Variants in ANKRD27 observed in about 807,000 individuals in gnomAD.
ANKRD27 encodes the protein ankyrin repeat domain-containing protein 27.
Under a neutral mutation model 129.7 loss-of-function variants are expected in ANKRD27, and 112 were observed. The observed-to-expected ratio is 0.86, with a 90% CI of 0.74 to 1.01. The LOEUF (loss-of-function observed/expected upper bound fraction) is 1.01. ANKRD27 is among the 50% of genes least tolerant of loss of function. The probability of loss-of-function intolerance (pLI) is 0.00; values close to 1 mark genes in which losing one functional copy is unlikely to be tolerated. For synonymous variants in ANKRD27, 516 were observed against 511.2 expected (o/e 1.01, Z -0.13); for missense variants, 1,258 against 1,300.5 (o/e 0.97, Z 0.50).
chr19:32,613,627 C>G (rs1971865525), intron 22 of ANKRD27, among the ~76,000 whole-genome samples: 1 of 151,738 alleles, frequency 6.6e-6, no homozygotes, highest in Non-Finnish European at 1.5e-5. Context: ...AGACCTGATT[C>G]TAGGCAACAG....
intron 1 of ANKRD27, among the ~76,000 whole-genome samples, chr19:32,661,243 A>C (rs923678337): frequency 2.3e-4 from 35 of 149,708 alleles, no homozygotes; most frequent in African/African-American, 8.3e-4. Flanking sequence ...ACACACACAC[A>C]CACACACATA....
In ANKRD27 at chr19:32,599,703, C is replaced by T. The variant is rs781062904; in HGVS notation, c.2919+1G>A. On this transcript the variant is annotated splice_donor_variant, in intron 28 of 28. Coordinates refer to ENST00000306065, the MANE Select transcript of ANKRD27 (RefSeq NM_032139.3). LOFTEE classifies it high-confidence loss of function. ...TTAAAAGCCAGTGTTTAATAACTTACCTCATGCAAAGAACCTTCGGTTAAA... is the reference window on the plus strand; with the variant it reads ...TTAAAAGCCAGTGTTTAATAACTTATCTCATGCAAAGAACCTTCGGTTAAA... 4.3e-6 allele frequency: 7 copies of T among 1,611,942 alleles called. No homozygotes were observed. The highest frequency in any genetic ancestry group is 1.7e-5 in the Admixed American group (1 of 59,390).
At chr19:32,646,381 T>C in intron 4 of ANKRD27, 78 bp downstream of exon 4, 1 of 1,480,506 alleles carries the variant, frequency 6.8e-7, no homozygotes, top group Non-Finnish European at 9.2e-7. Flanking sequence ...GTTTAACCTT[T>C]CAACAGCTAA....
In ANKRD27 at chr19:32,619,335, T is replaced by C. The variant is rs1320021303; in HGVS notation, c.1932A>G (p.Gln644=). ...AGGAGAAGCTGGAAGTGGAGGACTC[T>C]TGGCTGATGGAGTCCACGGAGCGCT... ...SPQRSVDSIS[Q]ESSTSSFSSM... The change falls in exon 20 of 29, where the codon CAA becomes CAG. Residue 644 remains glutamine (Q), a synonymous_variant. Coordinates refer to ENST00000306065, the MANE Select transcript of ANKRD27 (RefSeq NM_032139.3). 8.1e-6 allele frequency: 13 copies of C among 1,613,598 alleles called. No individual in the cohort carries two copies. The highest frequency in any genetic ancestry group is 1.1e-5 in the Non-Finnish European group (13 of 1,179,918).
intron 24 of ANKRD27, among the ~76,000 whole-genome samples, chr19:32,604,765 AC>A (rs1196796015): frequency 6.6e-6 from 1 of 152,212 alleles, no homozygotes; most frequent in Non-Finnish European, 1.5e-5. Flanking sequence ...AAGACAGAAA[AC>A]AATACTTGGG....
At chr19:32,626,879 A>C in intron 15 of ANKRD27, 52 bp from the exon 16 acceptor site, 1 of 1,274,056 alleles carries the variant, frequency 7.8e-7, no homozygotes, top group Non-Finnish European at 1.1e-6. Flanking sequence ...GAGGCCTTCC[A>C]CACCTTAACT....
At chr19:32,604,068 A>C (rs113790554) in intron 25 of ANKRD27, among the ~76,000 whole-genome samples, 195 bp downstream of exon 25, 151 of 152,320 alleles carry the variant, frequency 9.9e-4, no homozygotes, top group African/African-American at 3.6e-3. Context: ...CCTGGTTCCC[A>C]GAGCACCACC....
At position 32,619,352 on chromosome 19, in the gene ANKRD27, C is replaced by T. The variant is rs373985005; in HGVS notation, c.1915G>A (p.Val639Met). ...EAPVQSPQRS[V>M]DSISQESSTS... Reference sequence around the variant, plus strand: ...GAGGACTCTTGGCTGATGGAGTCCACGGAGCGCTGCGGGGACTGCACAGGG... The same window carrying T: ...GAGGACTCTTGGCTGATGGAGTCCATGGAGCGCTGCGGGGACTGCACAGGG... The change falls in exon 20 of 29, where the codon GTG becomes ATG. Residue 639 changes from valine to methionine, a missense_variant. Physicochemically the swap from Val to Met is conservative, Grantham distance 21. Transcript: ENST00000306065. The T allele has an allele frequency of 1.1e-5, 17 of 1,613,704 alleles. No individual in the cohort carries two copies. The highest frequency in any genetic ancestry group is 3.3e-5 in the South Asian group (3 of 91,070).
intron 28 of ANKRD27, 43 bp from the exon 29 acceptor site, chr19:32,598,421 A>G (rs767790921): frequency 6.3e-7 from 1 of 1,582,472 alleles, no homozygotes; most frequent in South Asian, 1.1e-5. Context: ...TCCTCACTGT[A>G]CTGGAAGCCA....
intron 2 of ANKRD27, among the ~76,000 whole-genome samples, chr19:32,652,967 A>T (rs182199319): frequency 1.1e-3 from 164 of 152,248 alleles, no homozygotes; most frequent in African/African-American, 3.6e-3. Context: ...AATAAAAGGC[A>T]AGAATCTGCC....
chr19:32,626,733 C>T lies in ANKRD27; in HGVS notation c.1515G>A (p.Gln505=), dbSNP rs1456608827. The T allele has an allele frequency of 1.2e-6, 2 of 1,609,892 alleles. No individual in the cohort carries two copies. The highest frequency in any genetic ancestry group is 1.1e-5 in the South Asian group (1 of 90,132). The change falls in exon 16 of 29, where the codon CAG becomes CAA. Residue 505 remains glutamine, a synonymous_variant. Transcript: ENST00000306065. The part of the protein sequence containing the change: ...HGATPLHLAC[Q]KGYQSVTLLL... The stretch of plus-strand genomic sequence containing the variant: ...TCACCGTCACGCTCTGGTAGCCCTT[C>T]TGACAGGCCAGGTGGAGCGGAGTGG...
intron 18 of ANKRD27, among the ~76,000 whole-genome samples, chr19:32,620,885 C>CAAAAAAAAAAA (rs746859989): frequency 1.3e-5 from 1 of 75,302 alleles, no homozygotes; most frequent in Non-Finnish European, 2.4e-5. Flanking sequence ...AACCTTGTCT[C>CAAAAAAAAAAA]AAAAAAAAAA....
At chr19:32,650,868 C>T (rs973277866) in intron 2 of ANKRD27, among the ~76,000 whole-genome samples, 1 of 151,060 alleles carries the variant, frequency 6.6e-6, no homozygotes, top group African/African-American at 2.4e-5. Flanking sequence ...CCTGCCTCAG[C>T]CTCGTAAGTA....
intron 12 of ANKRD27, chr19:32,639,021 C>T (rs1967143587): frequency 9.5e-6 from 4 of 421,626 alleles, no homozygotes; most frequent in Non-Finnish European, 1.7e-5. Flanking sequence ...TCCAGGGATC[C>T]CGTGACATCA....
Position 32,663,831 on chromosome 19 carries a change from C to T in ANKRD27, c.-30-4786G>A, listed in dbSNP as rs1206589020. 2.6e-5 allele frequency among the ~76,000 whole-genome samples: 4 copies of T among 151,718 alleles called. No homozygotes were observed. The East Asian group carries it at 5.8e-4, about 22-fold the overall frequency. ...CAGCACTTTGGGAGGCCGAGGCGGG[C>T]GGATCACGAGGTCAGGAGATCGAGA... On this transcript the variant is annotated intron_variant, in intron 1 of 28. Transcript: ENST00000306065.
intron 13 of ANKRD27, 129 bp downstream of exon 13, chr19:32,631,273 C>G (rs1420678249): frequency 1.2e-6 from 1 of 803,506 alleles, no homozygotes. Flanking sequence ...CCCACCTCGG[C>G]CTCCCAAAGT....
At chr19:32,660,940 G>A (rs1967632226) in intron 1 of ANKRD27, among the ~76,000 whole-genome samples, 1 of 152,084 alleles carries the variant, frequency 6.6e-6, no homozygotes, top group Non-Finnish European at 1.5e-5. Context: ...CAGGCTGGCT[G>A]TAATCACAGC....
Position 32,628,841 on chromosome 19 carries a change from T to C in ANKRD27, c.1218A>G (p.Ala406=). 1.2e-6 allele frequency: 2 copies of C among 1,614,126 alleles called. No individual in the cohort carries two copies. The highest frequency in any genetic ancestry group is 2.2e-5 in the East Asian group (1 of 44,882). ...SPTDCLFKHI[A]SGNQKEVERL... The stretch of plus-strand genomic sequence containing the variant: ...TCTCCACTTCTTTCTGGTTACCTGA[T>C]GCAATGTGCTGAAAAGTGACATCCA... The change falls in exon 14 of 29, where the codon GCA becomes GCG. Residue 406 remains alanine, a synonymous_variant. Coordinates refer to ENST00000306065, the MANE Select transcript of ANKRD27 (RefSeq NM_032139.3).
chr19:32,652,046 G>A (rs113066531), intron 2 of ANKRD27, among the ~76,000 whole-genome samples: 1,954 of 152,290 alleles, frequency 0.013, 44 homozygotes, highest in African/African-American at 0.044. Context: ...TGCTGAGACC[G>A]GGGAGGAGTT....
Sources: allele counts gnomAD v4.1 joint callset (sites outside exome capture counted in the v4.1 genomes callset), GRCh38; gene constraint gnomAD v4.1.1; transcripts MANE v1.5; gene names NCBI Gene and HGNC (gene_info 2026-07-23, HGNC 2026-07-21).